The following RNF220 variants were observed in gnomAD, a reference collection of about 807,000 sequenced individuals.
RNF220 encodes ring finger protein 220.
In RNF220, 7 loss-of-function variants were observed where a neutral mutation model predicts 67.1. The observed-to-expected ratio is 0.10, with a 90% CI of 0.06 to 0.20. The LOEUF (loss-of-function observed/expected upper bound fraction) is 0.20. Ranked by LOEUF, RNF220 falls within the 10% of genes least tolerant of loss-of-function variation. RNF220 has a pLI of 1.00. For synonymous variants in RNF220, 270 were observed against 283.2 expected (o/e 0.95, Z 0.47); for missense variants, 565 against 740.3 (o/e 0.76, Z 2.75).
chr1:44,541,539 C>G (rs1274899972), intron 2 of RNF220, among the ~76,000 whole-genome samples: 1 of 152,242 alleles, frequency 6.6e-6, no homozygotes, highest in Non-Finnish European at 1.5e-5. Context: ...ACCACATTGT[C>G]TCCTAAACTG....
intron 2 of RNF220, among the ~76,000 whole-genome samples, chr1:44,491,803 A>C (rs1656880116): frequency 6.6e-6 from 1 of 152,138 alleles, no homozygotes; most frequent in South Asian, 2.1e-4. Flanking sequence ...AGCTGGGACC[A>C]CAGGTGCACA....
intron 5 of RNF220, among the ~76,000 whole-genome samples, chr1:44,629,843 A>G (rs1249868218): frequency 6.6e-6 from 1 of 152,230 alleles, no homozygotes; most frequent in Non-Finnish European, 1.5e-5. Context: ...GTTACTCCAG[A>G]TATAAAGACA....
intron 2 of RNF220, among the ~76,000 whole-genome samples, chr1:44,415,004 T>C (rs1182603040): frequency 4.1e-5 from 6 of 147,330 alleles, no homozygotes; most frequent in Non-Finnish European, 7.5e-5. Context: ...CACCCTGGAG[T>C]TGTGCTTTTT....
intron 2 of RNF220, chr1:44,423,805 T>C: frequency 2.0e-6 from 2 of 983,012 alleles, no homozygotes; most frequent in Non-Finnish European, 2.4e-6. Context: ...CAAAGTTTCC[T>C]CTGGGAGGTG....
At chr1:44,570,523 G>A (rs1664360930) in intron 2 of RNF220, among the ~76,000 whole-genome samples, 1 of 152,144 alleles carries the variant, frequency 6.6e-6, no homozygotes, top group African/African-American at 2.4e-5. Context: ...TAATGTCCCC[G>A]AGACTATGTG....
chr1:44,550,017 C>T lies in RNF220; in HGVS notation c.626-64148C>T, dbSNP rs74791892. On this transcript the variant is annotated intron_variant, in intron 2 of 14. Coordinates refer to ENST00000361799, the MANE Select transcript of RNF220 (RefSeq NM_018150.4). ...GCCCTGTCCTCAGCCTGCAGCTCTGCGAGGACCTAGAGCCAAGCGGAGTTG... is the reference window on the plus strand; with the variant it reads ...GCCCTGTCCTCAGCCTGCAGCTCTGTGAGGACCTAGAGCCAAGCGGAGTTG... Among the ~76,000 whole-genome samples the T allele has an allele frequency of 5.4e-3, 829 of 152,342 alleles. 18 individuals are homozygous for T. In the East Asian group the frequency reaches 0.065, roughly 12 times the overall value.
chr1:44,557,048 G>C (rs2148276839), intron 2 of RNF220, among the ~76,000 whole-genome samples: 1 of 151,122 alleles, frequency 6.6e-6, no homozygotes, highest in Non-Finnish European at 1.5e-5. Context: ...CATCTCTCTA[G>C]GGGCTGAGTT....
At chr1:44,590,287 G>A (rs1666023590) in intron 2 of RNF220, among the ~76,000 whole-genome samples, 1 of 152,216 alleles carries the variant, frequency 6.6e-6, no homozygotes, top group Non-Finnish European at 1.5e-5. Context: ...AAGCCCTGCT[G>A]GGCAAGGAAA....
intron 2 of RNF220, among the ~76,000 whole-genome samples, chr1:44,594,116 T>C (rs1031051152): frequency 1.3e-5 from 2 of 150,694 alleles, no homozygotes; most frequent in Non-Finnish European, 3.0e-5. Context: ...TAAACTCTTA[T>C]AGTCCAGCTT....
At chr1:44,496,053 T>C (rs1323679186) in intron 2 of RNF220, among the ~76,000 whole-genome samples, 1 of 152,206 alleles carries the variant, frequency 6.6e-6, no homozygotes. Context: ...TACGGGAAGC[T>C]ACTGAAGAGG....
chr1:44,574,645 C>G (rs1664679428), intron 2 of RNF220, among the ~76,000 whole-genome samples: 1 of 152,144 alleles, frequency 6.6e-6, no homozygotes, highest in Non-Finnish European at 1.5e-5. Context: ...GTCAGCCTGC[C>G]CCTGCACTGC....
At chr1:44,559,600 T>C (rs867466838) in intron 2 of RNF220, among the ~76,000 whole-genome samples, 1 of 152,166 alleles carries the variant, frequency 6.6e-6, no homozygotes, top group African/African-American at 2.4e-5. Context: ...GACTTCGGTC[T>C]AGCCCCGGGA....
intron 2 of RNF220, among the ~76,000 whole-genome samples, chr1:44,443,907 A>G (rs1455342788): frequency 1.3e-5 from 2 of 152,218 alleles, no homozygotes; most frequent in Non-Finnish European, 2.9e-5. Context: ...CCTGTCCAAC[A>G]TGGTGAAACC....
chr1:44,473,134 G>A (rs2147997919), intron 2 of RNF220, among the ~76,000 whole-genome samples: 1 of 152,266 alleles, frequency 6.6e-6, no homozygotes, highest in South Asian at 2.1e-4. Context: ...GTTTGTTCTG[G>A]AGGCCCCTTC....
At chr1:44,421,469 C>A (rs1189341429) in intron 2 of RNF220, among the ~76,000 whole-genome samples, 1 of 151,994 alleles carries the variant, frequency 6.6e-6, no homozygotes, top group Non-Finnish European at 1.5e-5. Context: ...AATCTGTGAA[C>A]CTTCCCCCAT....
At chr1:44,567,172 G>A (rs1022073589) in intron 2 of RNF220, among the ~76,000 whole-genome samples, 3 of 152,116 alleles carry the variant, frequency 2.0e-5, no homozygotes, top group African/African-American at 7.2e-5. Flanking sequence ...GCGGGAGGTG[G>A]GATGCTCTTG....
intron 2 of RNF220, among the ~76,000 whole-genome samples, chr1:44,561,912 G>C (rs1663603359): frequency 6.6e-6 from 1 of 152,100 alleles, no homozygotes; most frequent in African/African-American, 2.4e-5. Context: ...GGGAGACCCT[G>C]TCTCAAAAGA....
At chr1:44,542,825 A>G (rs961018737) in intron 2 of RNF220, among the ~76,000 whole-genome samples, 2 of 152,190 alleles carry the variant, frequency 1.3e-5, no homozygotes, top group African/African-American at 4.8e-5. Context: ...GGGCTGACCA[A>G]AGAAGGCTGG....
chr1:44,437,456 TTC>T (rs201057495), intron 2 of RNF220, among the ~76,000 whole-genome samples: 6,948 of 152,320 alleles, frequency 0.046, 205 homozygotes, highest in Middle Eastern at 0.11. Flanking sequence ...CCTGTGATTT[TTC>T]TTATCTTCCC....
Sources: gnomAD v4.1 joint callset for allele counts (sites outside exome capture counted in the v4.1 genomes callset) on GRCh38, gnomAD v4.1.1 for gene constraint, MANE v1.5 for transcripts, NCBI Gene and HGNC (gene_info 2026-07-23, HGNC 2026-07-21) for gene names.